Variants in NOTCH2 observed in about 807,000 individuals in gnomAD.
NOTCH2 encodes the protein neurogenic locus notch homolog protein 2.
A neutral mutation model predicts 235.8 loss-of-function variants in NOTCH2; 29 were observed. The observed-to-expected ratio is 0.12, with a 90% CI of 0.09 to 0.17. The LOEUF is 0.17. Ranked by LOEUF, NOTCH2 falls within the 10% of genes least tolerant of loss-of-function variation. The pLI is 1.00. For synonymous variants in NOTCH2, 1,086 were observed against 1,141.5 expected (o/e 0.95, Z 0.98); for missense variants, 2,285 against 3,150.2 (o/e 0.73, Z 6.57).
In NOTCH2 at chr1:119,916,638, G is replaced by A. The variant is rs768719813; in HGVS notation, c.6084C>T (p.Ile2028=). 2.8e-5 allele frequency: 46 copies of A among 1,614,168 alleles called. No homozygotes were observed. The South Asian group carries it at 4.7e-4, about 17-fold the overall frequency. Residue 2028 remains isoleucine (I), a synonymous_variant, in exon 34 of 34, where the codon ATC becomes ATT. Coordinates refer to ENST00000256646, the MANE Select transcript of NOTCH2 (RefSeq NM_024408.4). ...CTCGATTGGCAAAATGGTCTAACAG[G>A]ATCTTGGCTGCTTCATAGCTCCCCT... ...AREGSYEAAK[I]LLDHFANRDI...
intron 19 of NOTCH2, 52 bp downstream of exon 19, chr1:119,940,503 T>C: frequency 1.3e-6 from 2 of 1,495,946 alleles, no homozygotes; most frequent in Admixed American, 3.3e-5. Flanking sequence ...TGAACAGGTA[T>C]AATATTCAGC....
chr1:119,975,759 C>T (rs1651555605), intron 5 of NOTCH2, among the ~76,000 whole-genome samples: 1 of 152,074 alleles, frequency 6.6e-6, no homozygotes, highest in Non-Finnish European at 1.5e-5. Flanking sequence ...ATTAGCACCA[C>T]GCTTCAGCCA....
In NOTCH2 at chr1:119,997,257, T is replaced by C; in HGVS notation, c.491A>G (p.Asn164Ser). ...TGTGAGGCATTTGCAGGAGAACTGG[T>C]TGGCCACAGTGGTACAGGTACTTCC... ...ANGSTCTTVA[N>S]QFSCKCLTGF... is the part of the protein sequence containing the mutation. Residue 164 changes from asparagine to serine, a missense_variant, in exon 4 of 34, where the codon AAC becomes AGC. Transcript: ENST00000256646. The C allele has an allele frequency of 1.5e-5, 24 of 1,613,996 alleles. No homozygotes were observed. Among genetic ancestry groups the C allele is most frequent in the Non-Finnish European group, 1.9e-5 (23 of 1,179,860 alleles).
At chr1:119,916,879 C>T (rs1649099141) in intron 33 of NOTCH2, among the ~76,000 whole-genome samples, 185 bp from the exon 34 acceptor site, 1 of 152,126 alleles carries the variant, frequency 6.6e-6, no homozygotes, top group South Asian at 2.1e-4. Context: ...GTGATTTACA[C>T]ATAAAAAAAG....
chr1:119,941,366 T>C (rs1275352216), intron 18 of NOTCH2, among the ~76,000 whole-genome samples, 160 bp downstream of exon 18: 3 of 152,160 alleles, frequency 2.0e-5, no homozygotes, highest in African/African-American at 7.2e-5. Flanking sequence ...TATATATGTT[T>C]ATCAGGAACC....
At chr1:119,963,063 A>T (rs1650997823) in intron 11 of NOTCH2, among the ~76,000 whole-genome samples, 1 of 152,298 alleles carries the variant, frequency 6.6e-6, no homozygotes, top group African/African-American at 2.4e-5. Context: ...GAATCCCCCA[A>T]GATGGCTAAG....
At chr1:120,033,799 T>C (rs587726394) in intron 1 of NOTCH2, among the ~76,000 whole-genome samples, 38 of 152,286 alleles carry the variant, frequency 2.5e-4, no homozygotes, top group South Asian at 1.7e-3. Context: ...TTTCAAAAAA[T>C]GTTAAATATT....
At chr1:119,972,009 A>G (rs1216830129) in intron 5 of NOTCH2, among the ~76,000 whole-genome samples, 2 of 152,042 alleles carry the variant, frequency 1.3e-5, no homozygotes, top group South Asian at 2.1e-4. Flanking sequence ...GAGAAGATGA[A>G]TAAGAAAGTG....
intron 13 of NOTCH2, 41 bp from the exon 14 acceptor site, chr1:119,953,729 G>GT (rs1281541251): frequency 1.9e-6 from 3 of 1,553,356 alleles, no homozygotes; most frequent in Non-Finnish European, 2.7e-6. Flanking sequence ...AGGTATAAAC[G>GT]TATGATTGAG....
chr1:119,951,480 T>G (rs112305138), intron 14 of NOTCH2, among the ~76,000 whole-genome samples: 3,799 of 152,254 alleles, frequency 0.025, 81 homozygotes, highest in South Asian at 0.11. Context: ...AAACATAAGC[T>G]CTTTGTATAT....
chr1:120,015,553 TA>T (rs1653410657), intron 2 of NOTCH2, among the ~76,000 whole-genome samples: 1 of 137,958 alleles, frequency 7.2e-6, no homozygotes, highest in Non-Finnish European at 1.6e-5. Flanking sequence ...TAGATAAAAA[TA>T]ATTGCTAACA....
At position 119,912,263 on chromosome 1, in the gene NOTCH2, A is replaced by G. The variant is rs1282274108; in HGVS notation, c.*3043T>C. The G allele has an allele frequency of 4.3e-6, 1 of 233,270 alleles. No homozygotes were observed. The highest frequency in any genetic ancestry group is 2.2e-5 in the African/African-American group (1 of 45,338). 14.5% of individuals were successfully genotyped at this position (233,270 alleles called of 1,614,324 possible). A position where few individuals can be genotyped will look rare whatever the true frequency, so the allele number is the denominator to read the frequency against. ...CTTTTAAGAGAAATGTACACAAGGA[A>G]GTAACCATAGTACCACTTATTAGTG... On this transcript the variant is annotated 3_prime_UTR_variant, in exon 34 of 34. Transcript: ENST00000256646.
chr1:119,946,742 T>G (rs1285344950), intron 17 of NOTCH2, among the ~76,000 whole-genome samples: 1 of 152,066 alleles, frequency 6.6e-6, no homozygotes, highest in Admixed American at 6.5e-5. Context: ...CTACATACTT[T>G]TCCCCTAGGA....
chr1:119,934,166 T>G (rs1553195478), intron 22 of NOTCH2, among the ~76,000 whole-genome samples: 1 of 152,218 alleles, frequency 6.6e-6, no homozygotes, highest in Non-Finnish European at 1.5e-5. Context: ...TCTCCAATGT[T>G]GGAGGTGGGG....
At chr1:119,933,375 TAA>T (rs1410925984) in intron 22 of NOTCH2, among the ~76,000 whole-genome samples, 2 of 151,692 alleles carry the variant, frequency 1.3e-5, no homozygotes, top group African/African-American at 4.9e-5. Context: ...CCAGAGAAGT[TAA>T]GTCAGGATAA....
At chr1:120,061,202 T>C (rs587717208) in intron 1 of NOTCH2, among the ~76,000 whole-genome samples, 1 of 152,068 alleles carries the variant, frequency 6.6e-6, no homozygotes, top group Non-Finnish European at 1.5e-5. Context: ...ACAGAACAGA[T>C]TAGTGAGTAA....
rs916645821 is a variant in NOTCH2 at position 119,938,060 on chromosome 1, T to A, written c.3184-50A>T. 1.9e-6 allele frequency: 3 copies of A among 1,588,738 alleles called. No individual in the cohort carries two copies. The African/African-American group carries it at 4.0e-5, about 21-fold the overall frequency. On this transcript the variant is annotated intron_variant, in intron 19 of 33. Coordinates refer to ENST00000256646, the MANE Select transcript of NOTCH2 (RefSeq NM_024408.4). ...TACATCAAAATTCAAATACTAGAAATGAAGAAAAGAAGTTATATTGTGTTA... is the reference window on the plus strand; with the variant it reads ...TACATCAAAATTCAAATACTAGAAAAGAAGAAAAGAAGTTATATTGTGTTA...
Position 119,917,771 on chromosome 1 carries a change from G to T in NOTCH2, c.5930-9C>A, listed in dbSNP as rs769908986. 1.3e-6 allele frequency: 2 copies of T among 1,558,202 alleles called. No individual in the cohort carries two copies. The highest frequency in any genetic ancestry group is 1.8e-6 in the Non-Finnish European group (2 of 1,129,270). ...GTGAAGAGCAGATTTTCCTGCAGGG[G>T]AGAAACATTTTTATAAACAGACATA... On this transcript the variant is annotated splice_polypyrimidine_tract_variant and intron_variant, in intron 32 of 33. Transcript: ENST00000256646.
intron 3 of NOTCH2, among the ~76,000 whole-genome samples, chr1:120,000,794 T>C (rs1406270575): frequency 1.3e-5 from 2 of 152,048 alleles, no homozygotes; most frequent in African/African-American, 4.8e-5. Context: ...CCAAATATTT[T>C]CAGTGACTTA....
Sources: gnomAD v4.1 joint callset for allele counts (sites outside exome capture counted in the v4.1 genomes callset) on GRCh38, gnomAD v4.1.1 for gene constraint, MANE v1.5 for transcripts, NCBI Gene and HGNC (gene_info 2026-07-23, HGNC 2026-07-21) for gene names.